DNAH12: variants seen among roughly 807,000 people sequenced by gnomAD.
The protein encoded by DNAH12 is dynein axonemal heavy chain 12.
A neutral mutation model predicts 371.5 loss-of-function variants in DNAH12; 285 were observed. The observed-to-expected ratio is 0.77, with a 90% CI of 0.70 to 0.85. DNAH12 has a LOEUF of 0.85. Among genes scored for constraint, DNAH12 ranks in the 40% least tolerant of loss-of-function variants. The pLI, the probability that DNAH12 is intolerant of heterozygous loss-of-function variation, is 0.00. For synonymous variants in DNAH12, 1,200 were observed against 1,213.0 expected, an observed-to-expected ratio of 0.99 and a Z score of 0.22; for missense variants, 3,611 against 3,689.4, an observed-to-expected ratio of 0.98 and a Z score of 0.55.
At chr3:57,323,690 A>G in intron 62 of DNAH12, 71 bp from the exon 63 acceptor site, 1 of 1,393,216 alleles carries the variant, frequency 7.2e-7, no homozygotes, top group Non-Finnish European at 9.4e-7. Context: ...TATTATTGAA[A>G]AACAACAAAG....
intron 26 of DNAH12, 81 bp downstream of exon 26, chr3:57,446,456 A>G (rs577532277): frequency 2.1e-6 from 3 of 1,452,996 alleles, no homozygotes; most frequent in Admixed American, 5.4e-5. Flanking sequence ...ATGTTTAAAC[A>G]TGAGTTTGCT....
chr3:57,312,745 C>A (rs1456421925), intron 66 of DNAH12, among the ~76,000 whole-genome samples: 1 of 152,110 alleles, frequency 6.6e-6, no homozygotes, highest in Non-Finnish European at 1.5e-5. Flanking sequence ...TCTCGAAAAC[C>A]AATGTTTAAA....
At chr3:57,549,651 T>A in the DNAH12 span, among the ~76,000 whole-genome samples, 1 of 152,048 alleles carries the variant, frequency 6.6e-6, no homozygotes, top group African/African-American at 2.4e-5. Flanking sequence ...TGAGACAGGG[T>A]CTGGCTCTGT....
intron 2 of DNAH12, among the ~76,000 whole-genome samples, chr3:57,528,543 T>C (rs1341946891): frequency 7.4e-5 from 11 of 148,722 alleles, no homozygotes; most frequent in Admixed American, 6.0e-4. Context: ...CTGACCAACA[T>C]GGAGAAACCC....
intron 38 of DNAH12, among the ~76,000 whole-genome samples, chr3:57,414,675 A>G (rs1354947840): frequency 6.6e-6 from 1 of 152,168 alleles, no homozygotes; most frequent in Non-Finnish European, 1.5e-5. Context: ...AGCTTTTTAT[A>G]GCTAAAATAA....
At chr3:57,323,395 A>G (rs1165411503) in intron 63 of DNAH12, 74 bp downstream of exon 63, 2 of 1,475,326 alleles carry the variant, frequency 1.4e-6, no homozygotes, top group Non-Finnish European at 1.8e-6. Flanking sequence ...CTGATTTATA[A>G]TCATATAAGG....
intron 18 of DNAH12, among the ~76,000 whole-genome samples, chr3:57,462,159 G>A (rs1234658939): frequency 1.3e-5 from 2 of 152,156 alleles, no homozygotes; most frequent in Admixed American, 1.3e-4. Flanking sequence ...TTGGAATGTG[G>A]CAGAATTAAG....
Position 57,306,989 on chromosome 3 carries a change from C to T in DNAH12, c.11189+2162G>A, listed in dbSNP as rs187609084. 4.4e-3 allele frequency among the ~76,000 whole-genome samples: 665 copies of T among 152,302 alleles called. 2 individuals carry two copies. The highest frequency in any genetic ancestry group is 0.015 in the African/African-American group (635 of 41,560). ...TCATCCCAGCCTCTCTTCGCTTTCA[C>T]TTGGACTGACCCTGACACCCATCAG... On this transcript the variant is annotated intron_variant, in intron 69 of 73. Transcript: ENST00000495027.
chr3:57,394,689 GCTAA>G (rs1193237926), intron 43 of DNAH12, among the ~76,000 whole-genome samples: 1 of 152,222 alleles, frequency 6.6e-6, no homozygotes, highest in Non-Finnish European at 1.5e-5. Context: ...ATTACTTGGA[GCTAA>G]CTGTTTGCCT....
rs1448621927 is a variant in DNAH12, at chr3:57,542,909, G to A, written c.-33-6C>T. On this transcript the variant is annotated splice_region_variant and splice_polypyrimidine_tract_variant and intron_variant, in intron 1 of 73. Coordinates refer to ENST00000495027, the MANE Select transcript of DNAH12 (RefSeq NM_001366028.2). ...AGATTAAAATACTCTGTACTCTGAG[G>A]AGAAAAAGTCCATAAAGCCATTATT... The A allele has an allele frequency of 4.7e-6, 7 of 1,495,310 alleles. No individual in the cohort carries two copies. The highest frequency in any genetic ancestry group is 5.3e-6 in the Non-Finnish European group (6 of 1,126,558). The allele number at this position is 1,495,310 out of a possible 1,614,324, so 92.6% of individuals were successfully genotyped here.
At chr3:57,451,765 GTGT>G (rs1181097103) in intron 25 of DNAH12, among the ~76,000 whole-genome samples, 2 of 152,142 alleles carry the variant, frequency 1.3e-5, no homozygotes, top group Non-Finnish European at 2.9e-5. Flanking sequence ...TGATGGTCAG[GTGT>G]TGTTAACTGT....
intron 69 of DNAH12, among the ~76,000 whole-genome samples, chr3:57,307,887 C>T (rs1559540427): frequency 6.6e-6 from 1 of 152,192 alleles, no homozygotes; most frequent in African/African-American, 2.4e-5. Context: ...GGCCTAATTG[C>T]CACACACCAG....
At chr3:57,496,727 G>A (rs2067335180) in intron 11 of DNAH12, among the ~76,000 whole-genome samples, 3 of 152,104 alleles carry the variant, frequency 2.0e-5, no homozygotes, top group Non-Finnish European at 2.9e-5. Context: ...CCAGTACTTC[G>A]GGAGGCCAAG....
chr3:57,413,330 C>A (rs2064263629), intron 39 of DNAH12, among the ~76,000 whole-genome samples: 1 of 152,112 alleles, frequency 6.6e-6, no homozygotes, highest in African/African-American at 2.4e-5. Flanking sequence ...ATCTTTACAG[C>A]AGTGAAAATT....
chr3:57,352,938 A>C (rs979982173), intron 59 of DNAH12, among the ~76,000 whole-genome samples: 35 of 151,882 alleles, frequency 2.3e-4, no homozygotes, highest in Non-Finnish European at 1.8e-4. Flanking sequence ...AAAATACAAA[A>C]ATTAGCCAGG....
Position 57,421,541 on chromosome 3 carries a change from G to A in DNAH12, c.5539C>T (p.Leu1847=), listed in dbSNP as rs1289368710. 4 of 1,551,542 alleles carry A rather than the reference G, an allele frequency of 2.6e-6. No homozygotes were observed. The highest frequency in any genetic ancestry group is 2.6e-6 in the Non-Finnish European group (3 of 1,146,958). Residue 1847 remains leucine (L), a synonymous_variant, in exon 36 of 74, where the codon CTG becomes TTG. Transcript: ENST00000495027. ...ACCTCATACATGTAGTCATAGACCA[G>A]GCCTTTTTCATCAAATGGGCATTCC... is the stretch of plus-strand genomic sequence containing the variant. ...KWECPFDEKG[L]VYDYMYELKN... is the part of the protein sequence containing the mutation.
At position 57,405,668 on chromosome 3, in the gene DNAH12, C is replaced by G. The variant is rs569634004; in HGVS notation, c.6561G>C (p.Arg2187Ser). 5 of 1,550,728 alleles carry G rather than the reference C, an allele frequency of 3.2e-6. No individual in the cohort carries two copies. The African/African-American group carries it at 6.8e-5, about 21-fold the overall frequency. ...CCATACTCACTGGTGCATTTTGTTT[C>G]CTCAAATGTGAAAAGATACTGTGAA... ...ESFHSIFSHL[R>S]KQNAPVTEED... is the part of the protein sequence containing the mutation. The change falls in exon 41 of 74, where the codon AGG (arginine) becomes AGC (serine). Residue 2187 changes from arginine (R) to serine (S), a missense_variant. Physicochemically the swap from Arg to Ser is moderately radical, Grantham distance 110. This residue lies in a region of DNAH12 where 2,266 missense variants were observed against 2,236.9 expected (regional missense o/e 1.01). Coordinates refer to ENST00000495027, the MANE Select transcript of DNAH12 (RefSeq NM_001366028.2).
At chr3:57,431,525 A>G (rs2064955710) in intron 32 of DNAH12, among the ~76,000 whole-genome samples, 1 of 152,120 alleles carries the variant, frequency 6.6e-6, no homozygotes, top group Admixed American at 6.5e-5. Flanking sequence ...GTCTCCTACT[A>G]CACTTGCTCC....
intron 13 of DNAH12, among the ~76,000 whole-genome samples, chr3:57,479,255 G>T (rs1225868407): frequency 6.6e-6 from 1 of 151,998 alleles, no homozygotes; most frequent in South Asian, 2.1e-4. Context: ...AACAAAAAAA[G>T]GCAGGGGTTG....
Sources: allele counts gnomAD v4.1 joint callset (sites outside exome capture counted in the v4.1 genomes callset), GRCh38; gene constraint gnomAD v4.1.1; regional missense constraint gnomAD v4.1.1; transcripts MANE v1.5; gene names NCBI Gene and HGNC (gene_info 2026-07-23, HGNC 2026-07-21).